CADM2: variants seen among roughly 807,000 people sequenced by gnomAD.
CADM2 encodes immunoglobulin superfamily member 4D.
A neutral mutation model predicts 49.8 loss-of-function variants in CADM2; 12 were observed. The observed-to-expected ratio is 0.24, with a 90% confidence interval of 0.15 to 0.39. The LOEUF is 0.39. Ranked by LOEUF, CADM2 falls within the 10% of genes least tolerant of loss-of-function variation. The pLI is 1.00. For missense variants in CADM2, 378 were observed against 492.3 expected (o/e 0.77, Z 2.20); for synonymous variants, 214 against 175.4 (o/e 1.22, Z -1.74).
At chr3:85,128,221 T>C (rs1260657451) in intron 1 of CADM2, among the ~76,000 whole-genome samples, 1 of 152,220 alleles carries the variant, frequency 6.6e-6, no homozygotes, top group Admixed American at 6.5e-5. Flanking sequence ...TGGCATCAAG[T>C]AAGACGCTTT....
At chr3:85,066,884 C>G (rs555601326) in intron 1 of CADM2, among the ~76,000 whole-genome samples, 1 of 152,132 alleles carries the variant, frequency 6.6e-6, no homozygotes, top group East Asian at 1.9e-4. Flanking sequence ...TTCATTCTTA[C>G]GACATTCCAC....
intron 1 of CADM2, among the ~76,000 whole-genome samples, chr3:85,081,028 T>G (rs954224229): frequency 6.6e-6 from 1 of 152,122 alleles, no homozygotes; most frequent in East Asian, 1.9e-4. Context: ...ACCCACAATT[T>G]ATTTTACTTG....
intron 1 of CADM2, among the ~76,000 whole-genome samples, chr3:85,198,516 T>C (rs1357150855): frequency 1.3e-5 from 2 of 151,744 alleles, no homozygotes; most frequent in Non-Finnish European, 3.0e-5. Context: ...TATATGCTAA[T>C]TCAGGCAGAA....
intron 1 of CADM2, among the ~76,000 whole-genome samples, chr3:85,485,519 C>T (rs762522664): frequency 2.0e-5 from 3 of 152,066 alleles, no homozygotes; most frequent in East Asian, 1.9e-4. Flanking sequence ...TCAAACTCAT[C>T]GCCATCCTGC....
At chr3:85,469,709 T>C (rs1172153654) in intron 1 of CADM2, among the ~76,000 whole-genome samples, 1 of 152,182 alleles carries the variant, frequency 6.6e-6, no homozygotes, top group East Asian at 1.9e-4. Context: ...TTATCACCAT[T>C]GGCAATTACA....
intron 3 of CADM2, among the ~76,000 whole-genome samples, chr3:85,828,753 C>T (rs953983392): frequency 8.6e-5 from 13 of 151,902 alleles, no homozygotes; most frequent in African/African-American, 3.1e-4. Flanking sequence ...TTTCATCCTA[C>T]AAACCATATT....
chr3:85,487,512 TGGA>T (rs1401592598), intron 1 of CADM2, among the ~76,000 whole-genome samples: 8 of 142,378 alleles, frequency 5.6e-5, no homozygotes, highest in Non-Finnish European at 1.2e-4. Flanking sequence ...TAGGAGGAAG[TGGA>T]GGAGGAGAAG....
intron 1 of CADM2, among the ~76,000 whole-genome samples, chr3:85,691,330 C>T (rs2066380225): frequency 6.6e-6 from 1 of 152,102 alleles, no homozygotes; most frequent in African/African-American, 2.4e-5. Flanking sequence ...TTTCTTTATC[C>T]ATACATTTGT....
intron 1 of CADM2, among the ~76,000 whole-genome samples, chr3:85,105,532 G>A (rs2038183179): frequency 6.6e-6 from 1 of 152,166 alleles, no homozygotes; most frequent in African/African-American, 2.4e-5. Flanking sequence ...GGAAGTCAGT[G>A]TGGCAATTCC....
rs550629905 is a variant in CADM2 at position 85,390,692 on chromosome 3, A to G, written c.62-335830A>G. ...ATCCTGAAAAGTGAACAAATATAAA[A>G]TGCATTTCAGTTCATAGCCAACACA... On this transcript the variant is annotated intron_variant, in intron 1 of 9. Coordinates refer to ENST00000383699, the MANE Select transcript of CADM2 (RefSeq NM_001167675.2). Among the ~76,000 whole-genome samples the G allele has an allele frequency of 2.4e-4, 36 of 152,216 alleles. No homozygotes were observed. The South Asian group carries it at 3.7e-3, about 16-fold the overall frequency.
chr3:85,214,208 G>A (rs1393601600), intron 1 of CADM2, among the ~76,000 whole-genome samples: 1 of 152,044 alleles, frequency 6.6e-6, no homozygotes, highest in Non-Finnish European at 1.5e-5. Context: ...CCACCTTGGT[G>A]GTCTTGGTGG....
At chr3:85,730,559 T>C (rs2067889526) in intron 2 of CADM2, among the ~76,000 whole-genome samples, 1 of 152,200 alleles carries the variant, frequency 6.6e-6, no homozygotes, top group Admixed American at 6.5e-5. Context: ...ATGCTACATT[T>C]GATATACAAG....
chr3:85,248,099 A>T (rs531205744), intron 1 of CADM2, among the ~76,000 whole-genome samples: 2 of 152,142 alleles, frequency 1.3e-5, no homozygotes, highest in Non-Finnish European at 2.9e-5. Context: ...TATTTTTCTC[A>T]GCAAAAAAAC....
intron 1 of CADM2, among the ~76,000 whole-genome samples, chr3:85,467,970 C>A (rs566691751): frequency 6.6e-6 from 1 of 151,526 alleles, no homozygotes; most frequent in East Asian, 2.0e-4. Context: ...CCGGCTAAAA[C>A]GGTGAAACCC....
intron 1 of CADM2, among the ~76,000 whole-genome samples, chr3:85,588,711 G>T (rs566803819): frequency 1.3e-5 from 2 of 152,124 alleles, no homozygotes; most frequent in African/African-American, 4.8e-5. Context: ...GCAACAGTAT[G>T]CTAGGGGGAT....
chr3:85,212,848 T>C (rs571863974), intron 1 of CADM2, among the ~76,000 whole-genome samples: 172 of 115,858 alleles, frequency 1.5e-3, no homozygotes, highest in Middle Eastern at 4.0e-3. Flanking sequence ...CTTTCTTTCT[T>C]TCTTTCTTTC....
At chr3:85,659,433 A>T (rs1329706883) in intron 1 of CADM2, among the ~76,000 whole-genome samples, 3 of 152,074 alleles carry the variant, frequency 2.0e-5, no homozygotes, top group Non-Finnish European at 4.4e-5. Context: ...CAATAAAAGT[A>T]CTGGGTTAAA....
chr3:85,636,934 A>G (rs2064506194), intron 1 of CADM2, among the ~76,000 whole-genome samples: 1 of 152,120 alleles, frequency 6.6e-6, no homozygotes, highest in Non-Finnish European at 1.5e-5. Context: ...CTTGTCTCAG[A>G]ATGTATTCCT....
At chr3:85,260,110 TAATCTCTGC>T (rs1163204252) in intron 1 of CADM2, among the ~76,000 whole-genome samples, 1 of 152,146 alleles carries the variant, frequency 6.6e-6, no homozygotes, top group Non-Finnish European at 1.5e-5. Context: ...TAGAATATAA[TAATCTCTGC>T]AATCAAAACA....
Sources: gnomAD v4.1 joint callset for allele counts (sites outside exome capture counted in the v4.1 genomes callset) on GRCh38, gnomAD v4.1.1 for gene constraint, MANE v1.5 for transcripts, NCBI Gene and HGNC (gene_info 2026-07-23, HGNC 2026-07-21) for gene names.